The following HMGN2 variants were observed in gnomAD, a reference collection of about 807,000 sequenced individuals.
HMGN2 encodes high mobility group nucleosomal binding domain 2, also known as non-histone chromosomal protein HMG-17.
Under a neutral mutation model 16.9 loss-of-function variants are expected in HMGN2, and 2 were observed. The ratio of observed to expected loss-of-function variants is 0.12; its 90% confidence interval spans 0.05 to 0.37. HMGN2 has a LOEUF of 0.37. Ranked by LOEUF, HMGN2 falls within the 10% of genes least tolerant of loss-of-function variation. The pLI is 1.00. For synonymous variants in HMGN2, 31 were observed against 34.9 expected (o/e 0.89, Z 0.39); for missense variants, 90 against 106.0 (o/e 0.85, Z 0.66).
intron 4 of HMGN2, 84 bp downstream of exon 4, chr1:26,474,219 C>A: frequency 1.0e-6 from 1 of 987,412 alleles, no homozygotes; most frequent in Admixed American, 2.5e-5. Context: ...AATGGTGCCT[C>A]CATTAATGGA....
intron 1 of HMGN2, 45 bp downstream of exon 1, chr1:26,472,672 A>G (rs1281541979): frequency 1.6e-5 from 23 of 1,474,490 alleles, no homozygotes; most frequent in African/African-American, 4.9e-5. Flanking sequence ...CACTGCCGCC[A>G]CCGCCGCCGC....
chr1:26,472,728 A>G, intron 1 of HMGN2, 101 bp downstream of exon 1: 1 of 1,083,780 alleles, frequency 9.2e-7, no homozygotes, highest in East Asian at 2.9e-5. Context: ...AGCAGGAGCC[A>G]GCGCAGCCTC....
chr1:26,472,886 G>C (rs1273148176), intron 1 of HMGN2, among the ~76,000 whole-genome samples: 1 of 151,630 alleles, frequency 6.6e-6, no homozygotes, highest in Non-Finnish European at 1.5e-5. Flanking sequence ...CTCTCCTCGG[G>C]CTCGCCGCCC....
At chr1:26,473,081 C>G (rs2075584683) in intron 1 of HMGN2, 1 of 249,104 alleles carries the variant, frequency 4.0e-6, no homozygotes, top group East Asian at 1.1e-4. Context: ...CCCTCGCCCA[C>G]GTTCCCCGCG....
chr1:26,473,043 G>GA (rs1271845345), intron 1 of HMGN2, among the ~76,000 whole-genome samples: 1 of 151,342 alleles, frequency 6.6e-6, no homozygotes, highest in African/African-American at 2.4e-5. Flanking sequence ...CGCCGTGAGG[G>GA]GCGGGGCTTG....
At position 26,473,729 on chromosome 1, in the gene HMGN2, T is replaced by C; in HGVS notation, c.87T>C (p.Ser29=). The part of the protein sequence containing the change: ...DEPQRRSARL[S]AKPAPPKPEP... The stretch of plus-strand genomic sequence containing the variant: ...CACAGAGAAGATCCGCGAGGTTGTC[T>C]GCTGTAAGTGTATGCTTTTGAATTT... Residue 29 remains serine (S), a synonymous_variant, in exon 3 of 6, where the codon TCT becomes TCC. Coordinates refer to ENST00000361427, the MANE Select transcript of HMGN2 (RefSeq NM_005517.4). 6.2e-7 allele frequency: 1 copy of C among 1,614,056 alleles called. No homozygotes were observed. Among genetic ancestry groups the C allele is most frequent in the Admixed American group, 1.7e-5 (1 of 60,026 alleles).
At position 26,472,645 on chromosome 1, in the gene HMGN2, C is replaced by T; in HGVS notation, c.15+18C>T. ...AGAGAAAGGTACGTGGCGCGAGGGC[C>T]CCAGGCGCCGGGCCACCACTGCCGC... On this transcript the variant is annotated intron_variant, in intron 1 of 5. Coordinates refer to ENST00000361427, the MANE Select transcript of HMGN2 (RefSeq NM_005517.4). 6.5e-7 allele frequency: 1 copy of T among 1,528,154 alleles called. No individual in the cohort carries two copies. Among genetic ancestry groups the T allele is most frequent in the Admixed American group, 2.0e-5 (1 of 50,792 alleles). The allele number at this position is 1,528,154 out of a possible 1,614,324, so 94.7% of individuals were successfully genotyped here.
chr1:26,474,174 G>T, intron 4 of HMGN2, 39 bp downstream of exon 4: 1 of 1,493,842 alleles, frequency 6.7e-7, no homozygotes, highest in African/African-American at 1.4e-5. Context: ...TTCACAGAAT[G>T]AGGACTGTCC....
At chr1:26,473,671 C>A (rs369068206) in intron 2 of HMGN2, 32 bp from the exon 3 acceptor site, 3 of 1,612,284 alleles carry the variant, frequency 1.9e-6, no homozygotes, top group Non-Finnish European at 2.5e-6. Context: ...ACTTACCTGT[C>A]CTATTTCTAA....
rs1439678998 is a variant in HMGN2 at position 26,472,604 on chromosome 1, G to GCCGCCA, written c.-6_-1dup. ...GCACCTACGTCCCGCTGCCGTCGCC[G>GCCGCCA]CCGCCACCATGCCCAAGAGAAAGGT... On this transcript the variant is annotated 5_prime_UTR_variant, in exon 1 of 6. Coordinates refer to ENST00000361427, the MANE Select transcript of HMGN2 (RefSeq NM_005517.4). The GCCGCCA allele has an allele frequency of 2.0e-6, 3 of 1,534,474 alleles. No individual in the cohort carries two copies. The African/African-American group carries it at 4.1e-5, about 21-fold the overall frequency.
At chr1:26,473,848 A>G (rs771634820) in intron 3 of HMGN2, 116 bp downstream of exon 3, 44 of 1,087,224 alleles carry the variant, frequency 4.0e-5, no homozygotes, top group Non-Finnish European at 6.0e-5. Flanking sequence ...CATTGCCTCT[A>G]CTTGGGACTC....
Position 26,474,592 on chromosome 1 carries a change from A to T in HMGN2, c.162A>T (p.Lys54Asn). 2 of 1,574,744 alleles carry T rather than the reference A, an allele frequency of 1.3e-6. No individual in the cohort carries two copies. The highest frequency in any genetic ancestry group is 1.7e-6 in the Non-Finnish European group (2 of 1,145,928). The change falls in exon 5 of 6, where the codon AAA becomes AAT. Residue 54 changes from lysine to asparagine, a missense_variant. Coordinates refer to ENST00000361427, the MANE Select transcript of HMGN2 (RefSeq NM_005517.4). ...APAKKGEKVP[K>N]GKKGKADAGK... Reference sequence around the variant, plus strand: ...TTCAGAAGGGAGAGAAGGTACCCAAAGGGAAAAAGGGAAAAGCTGATGCTG... The same window carrying T: ...TTCAGAAGGGAGAGAAGGTACCCAATGGGAAAAAGGGAAAAGCTGATGCTG...
Position 26,472,632 on chromosome 1 carries a change from G to C in HMGN2, c.15+5G>C, listed in dbSNP as rs1161060779. 2 of 1,531,428 alleles carry C rather than the reference G, an allele frequency of 1.3e-6. No individual in the cohort carries two copies. The highest frequency in any genetic ancestry group is 2.8e-5 in the African/African-American group (2 of 72,280). The allele number at this position is 1,531,428 out of a possible 1,614,324, so 94.9% of individuals were successfully genotyped here. A position where few individuals can be genotyped will look rare whatever the true frequency, so the allele number is the denominator to read the frequency against. On this transcript the variant is annotated splice_donor_5th_base_variant and intron_variant, in intron 1 of 5. Coordinates refer to ENST00000361427, the MANE Select transcript of HMGN2 (RefSeq NM_005517.4). ...GCCACCATGCCCAAGAGAAAGGTAC[G>C]TGGCGCGAGGGCCCCAGGCGCCGGG...
intron 5 of HMGN2, 93 bp from the exon 6 acceptor site, chr1:26,475,020 T>G: frequency 9.5e-7 from 1 of 1,056,854 alleles, no homozygotes; most frequent in Middle Eastern, 2.1e-4. Context: ...AACCTGAACT[T>G]TGGCCTGGGA....
At chr1:26,472,900 C>T (rs1251484576) in intron 1 of HMGN2, among the ~76,000 whole-genome samples, 1 of 151,994 alleles carries the variant, frequency 6.6e-6, no homozygotes, top group Non-Finnish European at 1.5e-5. Context: ...GCCGCCCCCG[C>T]CCCGTGCCCC....
rs991295737 is a variant in HMGN2 at position 26,475,099 on chromosome 1, CTG to C, written c.238-12_238-11del. Reference sequence around the variant, plus strand: ...AAATCTACGCATTGCATTAATTTGTCTGTTTTCTTTTAGGCACAGAAAGCTGA... The same window carrying C: ...AAATCTACGCATTGCATTAATTTGTCTTTTCTTTTAGGCACAGAAAGCTGA... On this transcript the variant is annotated splice_polypyrimidine_tract_variant and intron_variant, in intron 5 of 5. Coordinates refer to ENST00000361427, the MANE Select transcript of HMGN2 (RefSeq NM_005517.4). 1.2e-6 allele frequency: 2 copies of C among 1,606,914 alleles called. No homozygotes were observed. Among genetic ancestry groups the C allele is most frequent in the African/African-American group, 2.7e-5 (2 of 74,730 alleles).
rs923876314 is a variant in HMGN2, at chr1:26,472,518, G to A, written c.-95G>A. On this transcript the variant is annotated 5_prime_UTR_variant, in exon 1 of 6. Transcript: ENST00000361427. ...CCCCCCGGAGCCCGAGCAGTGTGAA[G>A]AAGAGGCGAGAACGACCCCCGGACC... The A allele has an allele frequency of 1.4e-6, 2 of 1,426,752 alleles. No individual in the cohort carries two copies. Among genetic ancestry groups the A allele is most frequent in the South Asian group, 1.2e-5 (1 of 81,860 alleles). The allele number at this position is 1,426,752 out of a possible 1,614,324, so 88.4% of individuals were successfully genotyped here. A position where few individuals can be genotyped will look rare whatever the true frequency, so the allele number is the denominator to read the frequency against.
intron 1 of HMGN2, 118 bp downstream of exon 1, chr1:26,472,745 C>G (rs1274628047): frequency 2.2e-6 from 2 of 922,108 alleles, no homozygotes; most frequent in Non-Finnish European, 3.1e-6. Context: ...CCTCCCCGCG[C>G]GGGGGCTGGA....
At chr1:26,474,047 C>G (rs2075592699) in intron 3 of HMGN2, 38 bp from the exon 4 acceptor site, 1 of 1,570,876 alleles carries the variant, frequency 6.4e-7, no homozygotes, top group African/African-American at 1.4e-5. Context: ...GTCCATTGTA[C>G]TGATGTTCAC....
Sources: allele counts gnomAD v4.1 joint callset (sites outside exome capture counted in the v4.1 genomes callset), GRCh38; gene constraint gnomAD v4.1.1; transcripts MANE v1.5; gene names NCBI Gene and HGNC (gene_info 2026-07-23, HGNC 2026-07-21).